TNS4: variants seen among roughly 807,000 people sequenced by gnomAD.
TNS4 encodes the protein tensin-4.
TNS4 carries 46 observed loss-of-function variants against 70.4 expected under a neutral mutation model. The ratio of observed to expected loss-of-function variants is 0.65; its 90% confidence interval spans 0.52 to 0.84. TNS4 has a LOEUF of 0.84. TNS4 is among the 40% of genes least tolerant of loss of function. The pLI is 0.00. For synonymous variants in TNS4, 390 were observed against 366.6 expected (o/e 1.06, Z -0.73); for missense variants, 863 against 907.0 (o/e 0.95, Z 0.62).
chr17:40,485,131 C>T, intron 4 of TNS4, 124 bp from the exon 5 acceptor site: 1 of 755,104 alleles, frequency 1.3e-6, no homozygotes, highest in Non-Finnish European at 2.2e-6. Flanking sequence ...AACCACCATC[C>T]CAGACCCTAA....
At chr17:40,477,795 G>C (rs1048817052) in intron 12 of TNS4, 66 bp from the exon 13 acceptor site, 2 of 1,491,274 alleles carry the variant, frequency 1.3e-6, no homozygotes, top group South Asian at 1.2e-5. Context: ...GTGGGAATGG[G>C]GTGGTGGGGG....
chr17:40,499,232 T>TACC (rs2036181222), intron 1 of TNS4, among the ~76,000 whole-genome samples: 1 of 152,084 alleles, frequency 6.6e-6, no homozygotes, highest in Non-Finnish European at 1.5e-5. Context: ...CCCACGTAAT[T>TACC]ACCGGTGCGT....
intron 9 of TNS4, chr17:40,480,148 G>T: frequency 2.7e-6 from 1 of 369,382 alleles, no homozygotes; most frequent in Middle Eastern, 7.1e-4. Flanking sequence ...CTTAACGGCT[G>T]CTCTCCTCCC....
intron 1 of TNS4, among the ~76,000 whole-genome samples, chr17:40,497,645 C>A (rs567315003): frequency 6.6e-6 from 1 of 152,156 alleles, no homozygotes; most frequent in South Asian, 2.1e-4. Flanking sequence ...GTAGAGGGGA[C>A]CATTTGTGCA....
Position 40,480,723 on chromosome 17 carries a change from G to A in TNS4, c.1718C>T (p.Ala573Val). ...DGASDSTDSP[A>V]SCQKKSAGCH... ...ACCCGCAGATTTCTTCTGGCAGGAGGCTGGGCTGTCTGTAGAGTCCGAGGC... is the reference window on the plus strand; with the variant it reads ...ACCCGCAGATTTCTTCTGGCAGGAGACTGGGCTGTCTGTAGAGTCCGAGGC... Residue 573 changes from alanine (A) to valine (V), a missense_variant, in exon 9 of 13, where the codon GCC becomes GTC. Physicochemically the swap from Ala to Val is moderately conservative, Grantham distance 64. Coordinates refer to ENST00000254051, the MANE Select transcript of TNS4 (RefSeq NM_032865.6). The A allele has an allele frequency of 6.3e-7, 1 of 1,580,124 alleles. No individual in the cohort carries two copies. Among genetic ancestry groups the A allele is most frequent in the East Asian group, 2.4e-5 (1 of 42,236 alleles).
At position 40,496,224 on chromosome 17, in the gene TNS4, G is replaced by C; in HGVS notation, c.202C>G (p.Gln68Glu). The stretch of plus-strand genomic sequence containing the variant: ...GCTTTGGCCTCCACCTGTGGGGCTT[G>C]CTGGAGTCGGCCAGGGGGCCCCATG... The part of the protein sequence containing the change: ...PCMGPPGRLQ[Q>E]APQVEAKATC... Residue 68 changes from glutamine (Q) to glutamate (E), a missense_variant, in exon 2 of 13, where the codon CAA becomes GAA. Transcript: ENST00000254051. 1 of 1,596,664 alleles carries C rather than the reference G, an allele frequency of 6.3e-7. No individual in the cohort carries two copies. The highest frequency in any genetic ancestry group is 8.5e-7 in the Non-Finnish European group (1 of 1,172,020).
intron 2 of TNS4, 122 bp from the exon 3 acceptor site, chr17:40,489,091 G>T: frequency 1.1e-6 from 1 of 921,276 alleles, no homozygotes; most frequent in Non-Finnish European, 1.5e-6. Flanking sequence ...AGGACACTGA[G>T]GCCCAGAGAG....
In TNS4 at chr17:40,477,704, G is replaced by C. The variant is rs968469515; in HGVS notation, c.2032C>G (p.Gln678Glu). The change falls in exon 13 of 13, where the codon CAG becomes GAG. Residue 678 changes from glutamine (Q) to glutamate (E), a missense_variant. Gln to Glu is a conservative substitution (Grantham distance 29). Transcript: ENST00000254051. ...CATACGTTCTCCTGAGGCTCTGTCT[G>C]GCTCTTGGCCACAAACCCAAAGATC... is the stretch of plus-strand genomic sequence containing the variant. Reference protein sequence around the residue: ...SWIFGFVAKSQTEPQENVCHL... With the variant: ...SWIFGFVAKSETEPQENVCHL... 1.2e-6 allele frequency: 2 copies of C among 1,613,876 alleles called. No homozygotes were observed. The highest frequency in any genetic ancestry group is 2.7e-5 in the African/African-American group (2 of 74,924).
At position 40,476,509 on chromosome 17, in the gene TNS4, C is replaced by G. The variant is rs3169906; in HGVS notation, c.*1079G>C. 36,775 of 151,038 alleles carry G rather than the reference C, an allele frequency of 0.24. 6,370 individuals carry two copies. The highest frequency in any genetic ancestry group is 0.49 in the African/African-American group (20,182 of 40,872). The allele number at this position is 151,038 out of a possible 1,614,324, so 9.4% of individuals were successfully genotyped here. ...GAGAGATGGCCCTTATCTCTGCCCC[C>G]GCCGCCTAATATGCAACATTAGGGC... On this transcript the variant is annotated 3_prime_UTR_variant, in exon 13 of 13. Transcript: ENST00000254051.
At chr17:40,490,528 T>A (rs1567812866) in intron 2 of TNS4, among the ~76,000 whole-genome samples, 1 of 152,172 alleles carries the variant, frequency 6.6e-6, no homozygotes, top group East Asian at 1.9e-4. Context: ...CCCTGGCACA[T>A]GCACTGTTCC....
chr17:40,500,143 G>A (rs1213512110), intron 1 of TNS4, among the ~76,000 whole-genome samples: 1 of 152,198 alleles, frequency 6.6e-6, no homozygotes, highest in Non-Finnish European at 1.5e-5. Context: ...TTTAAACCCA[G>A]GTGGTCTTGC....
At chr17:40,499,285 G>C (rs1039508350) in intron 1 of TNS4, among the ~76,000 whole-genome samples, 1 of 151,998 alleles carries the variant, frequency 6.6e-6, no homozygotes, top group Non-Finnish European at 1.5e-5. Context: ...AATTGATCAC[G>C]ACCCTCTCAC....
At chr17:40,484,735 G>A in intron 5 of TNS4, 126 bp from the exon 6 acceptor site, 1 of 1,476,260 alleles carries the variant, frequency 6.8e-7, no homozygotes, top group African/African-American at 1.4e-5. Context: ...CCTTTGTACT[G>A]TCAAATCTCC....
chr17:40,492,315 A>G (rs1290488406), intron 2 of TNS4, among the ~76,000 whole-genome samples: 1 of 152,150 alleles, frequency 6.6e-6, no homozygotes, highest in Non-Finnish European at 1.5e-5. Context: ...TCATCTGTAA[A>G]AGGAGGTTTC....
Position 40,477,151 on chromosome 17 carries a change from C to T in TNS4, c.*437G>A, listed in dbSNP as rs1040544117. 1 of 159,050 alleles carries T rather than the reference C, an allele frequency of 6.3e-6. No individual in the cohort carries two copies. The highest frequency in any genetic ancestry group is 1.4e-5 in the Non-Finnish European group (1 of 72,616). The allele number at this position is 159,050 out of a possible 1,614,324, so 9.9% of individuals were successfully genotyped here. A position where few individuals can be genotyped will look rare whatever the true frequency, so the allele number is the denominator to read the frequency against. ...ATCACCAGCTGCAAGCCAGGAGCCC[C>T]GTGGGTCACCGCCAGGCACCTGCTG... is the stretch of plus-strand genomic sequence containing the variant. On this transcript the variant is annotated 3_prime_UTR_variant, in exon 13 of 13. Transcript: ENST00000254051.
intron 6 of TNS4, among the ~76,000 whole-genome samples, chr17:40,483,901 T>C (rs2035958691): frequency 6.6e-6 from 1 of 152,132 alleles, no homozygotes; most frequent in African/African-American, 2.4e-5. Flanking sequence ...CCAGGTACCT[T>C]GTACTGTAAT....
Position 40,479,795 on chromosome 17 carries a change from C to T in TNS4, c.1789G>A (p.Gly597Arg), listed in dbSNP as rs956137923. ...LSSVSVETLT[G>R]ALAVQKAIST... ...ATGGCTTTCTGCACGGCCAGGGCTC[C>T]AGTCAGGGTCTCCACGCTCACTGAG... Residue 597 changes from glycine to arginine, a missense_variant, in exon 10 of 13, where the codon GGA (glycine) becomes AGA (arginine). Gly to Arg is a moderately radical substitution (Grantham distance 125). Transcript: ENST00000254051. The T allele has an allele frequency of 5.0e-6, 8 of 1,613,774 alleles. No individual in the cohort carries two copies. The African/African-American group carries it at 1.1e-4, about 22-fold the overall frequency.
chr17:40,479,383 G>A (rs1000361422), intron 10 of TNS4, among the ~76,000 whole-genome samples: 1 of 152,174 alleles, frequency 6.6e-6, no homozygotes, highest in African/African-American at 2.4e-5. Context: ...CTGACCTCAG[G>A]TGATCCGCCC....
intron 2 of TNS4, among the ~76,000 whole-genome samples, chr17:40,492,040 A>C (rs1459883554): frequency 2.6e-5 from 4 of 152,188 alleles, no homozygotes; most frequent in African/African-American, 9.7e-5. Context: ...GGGGGCCCCC[A>C]GGGCAAGTTT....
Sources: allele counts gnomAD v4.1 joint callset (sites outside exome capture counted in the v4.1 genomes callset), GRCh38; gene constraint gnomAD v4.1.1; transcripts MANE v1.5; gene names NCBI Gene and HGNC (gene_info 2026-07-23, HGNC 2026-07-21).